MAP4: variants seen among roughly 807,000 people sequenced by gnomAD.
MAP4 encodes the protein microtubule associated protein 4.
Under a neutral mutation model 170.2 loss-of-function variants are expected in MAP4, and 76 were observed. The ratio of observed to expected loss-of-function variants is 0.45; its 90% CI spans 0.37 to 0.54. The LOEUF (loss-of-function observed/expected upper bound fraction) is 0.54. Ranked by LOEUF, MAP4 falls within the 20% of genes least tolerant of loss-of-function variation. The pLI, the probability that MAP4 is intolerant of heterozygous loss-of-function variation, is 0.00. For missense variants in MAP4, 2,506 were observed against 2,748.0 expected, an observed-to-expected ratio of 0.91 and a Z score of 1.97; for synonymous variants, 909 against 994.5, an observed-to-expected ratio of 0.91 and a Z score of 1.62.
chr3:47,916,590 G>A lies in MAP4; in HGVS notation c.1237C>T (p.Leu413Phe). The A allele has an allele frequency of 1.2e-6, 2 of 1,614,246 alleles. No homozygotes were observed. Among genetic ancestry groups the A allele is most frequent in the Non-Finnish European group, 1.7e-6 (2 of 1,180,040 alleles). The change falls in exon 7 of 21, where the codon CTC becomes TTC. Residue 413 changes from leucine to phenylalanine, a missense_variant. Leu to Phe is a conservative substitution (Grantham distance 22, BLOSUM62 0). Transcript: ENST00000683076. Reference protein sequence around the residue: ...KIVPAKDLVLLSEIEVAQAND... With the variant: ...KIVPAKDLVLFSEIEVAQAND... ...GCCTGTGCCACCTCTATTTCTGAGA[G>A]TAATACCAAATCCTTGGCTGGGACT...
chr3:47,901,630 T>C lies in MAP4; in HGVS notation c.5434+1320A>G, dbSNP rs143245757. Reference sequence around the variant, plus strand: ...CGGAGGCTGTAGTCAGCTGAGACTGTACCACTGCACCCCAGCCTGGGCAAC... The same window carrying C: ...CGGAGGCTGTAGTCAGCTGAGACTGCACCACTGCACCCCAGCCTGGGCAAC... On this transcript the variant is annotated intron_variant, in intron 10 of 20. Transcript: ENST00000683076. Among the ~76,000 whole-genome samples, 606 of 151,068 alleles carry C rather than the reference T, an allele frequency of 4.0e-3. 6 individuals are homozygous for C. Among genetic ancestry groups the C allele is most frequent in the African/African-American group, 0.014 (588 of 41,072 alleles).
chr3:48,037,923 T>C (rs925199178), intron 1 of MAP4, among the ~76,000 whole-genome samples: 5 of 151,774 alleles, frequency 3.3e-5, no homozygotes, highest in Non-Finnish European at 7.4e-5. Context: ...TCCCAGCACT[T>C]TGGGAGGCCA....
chr3:48,037,808 G>C (rs980259736), intron 1 of MAP4, among the ~76,000 whole-genome samples: 1 of 152,138 alleles, frequency 6.6e-6, no homozygotes, highest in Admixed American at 6.6e-5. Context: ...TGTATGACAT[G>C]TGCTTCTACT....
At chr3:48,033,610 A>G (rs1460690704) in intron 1 of MAP4, among the ~76,000 whole-genome samples, 1 of 151,608 alleles carries the variant, frequency 6.6e-6, no homozygotes, top group Non-Finnish European at 1.5e-5. Context: ...TTTATTTTTA[A>G]TTTTTTTGAA....
intron 10 of MAP4, among the ~76,000 whole-genome samples, chr3:47,897,950 G>GGGGGGA (rs1491497294): frequency 1.5e-5 from 2 of 134,538 alleles, no homozygotes; most frequent in African/African-American, 2.9e-5. Flanking sequence ...TCGGGGGGGG[G>GGGGGGA]AAAAAAAAAA....
chr3:48,002,206 A>T (rs1301831797), intron 1 of MAP4, among the ~76,000 whole-genome samples: 5 of 149,574 alleles, frequency 3.3e-5, no homozygotes, highest in Non-Finnish European at 7.4e-5. Context: ...GCATCACTGC[A>T]CTCTAGCCTG....
At chr3:47,890,974 C>T in intron 10 of MAP4, 1 of 1,402,166 alleles carries the variant, frequency 7.1e-7, no homozygotes, top group South Asian at 1.5e-5. Context: ...ACTTTGGTTC[C>T]TTCCTTGCTG....
intron 1 of MAP4, among the ~76,000 whole-genome samples, chr3:48,049,399 C>T (rs1416886529): frequency 1.3e-5 from 2 of 152,030 alleles, no homozygotes; most frequent in South Asian, 2.1e-4. Context: ...GCAGGAGGAT[C>T]GTTTGAGCCT....
chr3:48,058,069 A>G (rs943350676), intron 1 of MAP4, among the ~76,000 whole-genome samples: 1 of 152,258 alleles, frequency 6.6e-6, no homozygotes, highest in Non-Finnish European at 1.5e-5. Context: ...ACATACAATC[A>G]GCACTTCAAA....
chr3:48,036,553 G>A (rs1193227898), intron 1 of MAP4, among the ~76,000 whole-genome samples: 1 of 152,142 alleles, frequency 6.6e-6, no homozygotes, highest in East Asian at 1.9e-4. Context: ...TCTTGATATC[G>A]TCATGTATAG....
At chr3:48,015,378 T>C (rs1445250340) in intron 1 of MAP4, among the ~76,000 whole-genome samples, 2 of 152,130 alleles carry the variant, frequency 1.3e-5, no homozygotes, top group East Asian at 3.8e-4. Context: ...GACATTTAAA[T>C]GACAGAGAAT....
chr3:48,079,778 G>A (rs574136753), intron 1 of MAP4, among the ~76,000 whole-genome samples: 17 of 151,814 alleles, frequency 1.1e-4, no homozygotes, highest in South Asian at 4.2e-4. Context: ...GTGAAACACC[G>A]TCTCTACTAA....
chr3:47,898,514 AAAG>A (rs2100028258), intron 10 of MAP4, among the ~76,000 whole-genome samples: 1 of 152,126 alleles, frequency 6.6e-6, no homozygotes, highest in African/African-American at 2.4e-5. Context: ...AAAAAAAAAA[AAAG>A]ATTACACTAT....
intron 1 of MAP4, among the ~76,000 whole-genome samples, chr3:48,038,290 A>G (rs1180512106): frequency 1.3e-5 from 2 of 152,114 alleles, no homozygotes; most frequent in Non-Finnish European, 2.9e-5. Flanking sequence ...AGAGTGAAGG[A>G]AAGAAAAATA....
intron 3 of MAP4, among the ~76,000 whole-genome samples, chr3:47,929,927 A>C (rs2100048487): frequency 6.6e-6 from 1 of 151,150 alleles, no homozygotes; most frequent in Admixed American, 6.6e-5. Context: ...TTAGGAATTC[A>C]AGACCAGCCT....
intron 8 of MAP4, 80 bp from the exon 9 acceptor site, chr3:47,912,501 C>T (rs1336334472): frequency 1.2e-5 from 15 of 1,276,462 alleles, no homozygotes; most frequent in Non-Finnish European, 1.4e-5. Flanking sequence ...AAAAACCAGA[C>T]CATATAAATG....
At chr3:47,952,079 G>GC (rs1471386749) in intron 3 of MAP4, among the ~76,000 whole-genome samples, 1 of 142,004 alleles carries the variant, frequency 7.0e-6, no homozygotes, top group Non-Finnish European at 1.5e-5. Context: ...CTGCCCGGCC[G>GC]CCCCGTCTGA....
chr3:47,883,444 C>T (rs983092634), intron 10 of MAP4, among the ~76,000 whole-genome samples: 14 of 152,068 alleles, frequency 9.2e-5, no homozygotes, highest in Non-Finnish European at 1.8e-4. Flanking sequence ...AGGCTGGTCT[C>T]GAACTCCCGA....
chr3:47,885,166 T>C (rs2097363071), intron 10 of MAP4, among the ~76,000 whole-genome samples: 1 of 152,152 alleles, frequency 6.6e-6, no homozygotes, highest in South Asian at 2.1e-4. Context: ...TTCTTTTCAG[T>C]CTATGCCTGT....
Sources: gnomAD v4.1 joint callset for allele counts (sites outside exome capture counted in the v4.1 genomes callset) on GRCh38, gnomAD v4.1.1 for gene constraint, MANE v1.5 for transcripts, NCBI Gene and HGNC (gene_info 2026-07-23, HGNC 2026-07-21) for gene names.